Variants in ERBB4 observed in about 807,000 individuals in gnomAD.
ERBB4 encodes the protein receptor tyrosine-protein kinase erbB-4.
Under a neutral mutation model 158.0 loss-of-function variants are expected in ERBB4, and 42 were observed. The observed-to-expected ratio is 0.27, with a 90% CI of 0.21 to 0.34. The LOEUF (loss-of-function observed/expected upper bound fraction) is 0.34, where lower values mean the gene tolerates loss of function less well. Among genes scored for constraint, ERBB4 ranks in the 10% least tolerant of loss-of-function variants. The pLI, the probability that ERBB4 is intolerant of heterozygous loss-of-function variation, is 1.00. For missense variants in ERBB4, 1,333 were observed against 1,624.1 expected, an observed-to-expected ratio of 0.82 and a Z score of 3.08; for synonymous variants, 583 against 558.7, an observed-to-expected ratio of 1.04 and a Z score of -0.61.
intron 1 of ERBB4, among the ~76,000 whole-genome samples, chr2:212,228,389 T>C (rs1295100860): frequency 3.9e-5 from 6 of 152,164 alleles, no homozygotes; most frequent in Non-Finnish European, 7.3e-5. Flanking sequence ...TACACAGTAT[T>C]GAGTTATGAT....
At chr2:211,752,651 T>C (rs1575096140) in intron 4 of ERBB4, among the ~76,000 whole-genome samples, 2 of 152,134 alleles carry the variant, frequency 1.3e-5, no homozygotes, top group East Asian at 1.9e-4. Context: ...TCTTACTCGA[T>C]TAATTTTTTA....
chr2:212,301,437 C>T (rs79817441), intron 1 of ERBB4, among the ~76,000 whole-genome samples: 14 of 151,310 alleles, frequency 9.3e-5, no homozygotes, highest in Non-Finnish European at 1.8e-4. Context: ...GAACAAAATA[C>T]GAGCACTGTA....
At chr2:211,994,312 T>C (rs989649000) in intron 2 of ERBB4, among the ~76,000 whole-genome samples, 1 of 151,578 alleles carries the variant, frequency 6.6e-6, no homozygotes, top group Admixed American at 6.6e-5. Context: ...AAAAAAAAAA[T>C]TGTAGAGACA....
At position 211,404,750 on chromosome 2, in the gene ERBB4, G is replaced by C. The variant is rs551874273; in HGVS notation, c.3135+15691C>G. Among the ~76,000 whole-genome samples the C allele has an allele frequency of 3.9e-5, 6 of 152,220 alleles. No homozygotes were observed. The South Asian group carries it at 1.2e-3, about 32-fold the overall frequency. On this transcript the variant is annotated intron_variant, in intron 25 of 27. Coordinates refer to ENST00000342788, the MANE Select transcript of ERBB4 (RefSeq NM_005235.3). ...CGAGAAAGGAAATTTTGGAGCTCCA[G>C]ATCAGTCTGGGAGGAAACAGCTGAA...
intron 1 of ERBB4, among the ~76,000 whole-genome samples, chr2:212,185,021 C>CTTTTTTTTTTTCTTTTTTTTTTT (rs1553584050): frequency 7.5e-6 from 1 of 132,512 alleles, no homozygotes; most frequent in African/African-American, 2.8e-5. Flanking sequence ...ACTTTTTTTT[C>CTTTTTTTTTTTCTTTTTTTTTTT]TTTTTTTTTT....
intron 19 of ERBB4, among the ~76,000 whole-genome samples, chr2:211,585,184 C>G (rs2068232681): frequency 6.6e-6 from 1 of 151,996 alleles, no homozygotes; most frequent in African/African-American, 2.4e-5. Flanking sequence ...AACCCCGTCT[C>G]TACTAAAAAT....
intron 4 of ERBB4, among the ~76,000 whole-genome samples, chr2:211,781,967 G>A (rs1388300181): frequency 6.6e-6 from 1 of 152,246 alleles, no homozygotes; most frequent in East Asian, 1.9e-4. Flanking sequence ...TTGCTGACCA[G>A]CCATGTCTCA....
At chr2:212,185,936 G>T (rs995114733) in intron 1 of ERBB4, among the ~76,000 whole-genome samples, 1 of 152,046 alleles carries the variant, frequency 6.6e-6, no homozygotes, top group African/African-American at 2.4e-5. Context: ...TTAGGCAGTT[G>T]TCTAATGAAT....
chr2:212,477,294 G>A (rs892389077), intron 1 of ERBB4, among the ~76,000 whole-genome samples: 3 of 152,080 alleles, frequency 2.0e-5, no homozygotes, highest in African/African-American at 7.2e-5. Flanking sequence ...CTACTTTCTG[G>A]CACGTTTTTC....
chr2:211,407,191 GTATCACCTATTATTATTT>G, intron 25 of ERBB4, among the ~76,000 whole-genome samples: 1 of 151,854 alleles, frequency 6.6e-6, no homozygotes, highest in African/African-American at 2.4e-5. Context: ...GTGATAACAG[GTATCACCTATTATTATTT>G]ACTCTTTGAG....
rs183976198 is a variant in ERBB4, at chr2:212,411,444, G to A, written c.82+127005C>T. 1.9e-4 allele frequency among the ~76,000 whole-genome samples: 29 copies of A among 152,170 alleles called. 1 individual carries two copies. The South Asian group carries it at 2.5e-3, about 13-fold the overall frequency. ...GACTACATCAAAATAATCAATACAC[G>A]TAGATAAATATTTATGGTGATATCT... On this transcript the variant is annotated intron_variant, in intron 1 of 27. Transcript: ENST00000342788.
intron 1 of ERBB4, among the ~76,000 whole-genome samples, chr2:212,333,659 A>C (rs1212240575): frequency 6.7e-6 from 1 of 149,412 alleles, no homozygotes; most frequent in Non-Finnish European, 1.5e-5. Context: ...TTGTCATTGC[A>C]CTCCAGCCTG....
At chr2:212,308,298 GT>G (rs1390299728) in intron 1 of ERBB4, among the ~76,000 whole-genome samples, 2 of 150,802 alleles carry the variant, frequency 1.3e-5, no homozygotes, top group African/African-American at 4.8e-5. Flanking sequence ...AAAATAATTA[GT>G]TTTTCTCATT....
intron 1 of ERBB4, among the ~76,000 whole-genome samples, chr2:212,146,690 G>T (rs1264438982): frequency 6.6e-6 from 1 of 152,136 alleles, no homozygotes; most frequent in East Asian, 1.9e-4. Flanking sequence ...CCCTAACTAC[G>T]GCAAGCATTC....
At chr2:211,883,624 A>G (rs1575312490) in intron 3 of ERBB4, among the ~76,000 whole-genome samples, 1 of 151,922 alleles carries the variant, frequency 6.6e-6, no homozygotes, top group East Asian at 1.9e-4. Context: ...TGTCTCCACT[A>G]AAAATACAAA....
At chr2:212,356,725 A>G (rs995533625) in intron 1 of ERBB4, among the ~76,000 whole-genome samples, 1 of 149,604 alleles carries the variant, frequency 6.7e-6, no homozygotes, top group African/African-American at 2.4e-5. Flanking sequence ...CCATGTAAAA[A>G]AAAAACATTC....
intron 5 of ERBB4, among the ~76,000 whole-genome samples, chr2:211,729,573 C>T (rs2074368557): frequency 6.6e-6 from 1 of 151,622 alleles, no homozygotes; most frequent in African/African-American, 2.4e-5. Flanking sequence ...CAATTCAAGG[C>T]TACATGCAAG....
rs142978546 is a variant in ERBB4 at position 211,430,819 on chromosome 2, A to G, written c.2643+126T>C. 5.7e-3 allele frequency: 4,681 copies of G among 817,602 alleles called. 29 individuals are homozygous for G. Among genetic ancestry groups the G allele is most frequent in the Non-Finnish European group, 8.3e-3 (3,979 of 481,992 alleles). 50.6% of individuals were successfully genotyped at this position (817,602 alleles called of 1,614,324 possible). A position where few individuals can be genotyped will look rare whatever the true frequency, so the allele number is the denominator to read the frequency against. Reference sequence around the variant, plus strand: ...ATACCCGGGGCAGGAGAAGAGGCAAATGGTAGAACCAAGGCTTAATAATCT... The same window carrying G: ...ATACCCGGGGCAGGAGAAGAGGCAAGTGGTAGAACCAAGGCTTAATAATCT... On this transcript the variant is annotated intron_variant, in intron 21 of 27. Coordinates refer to ENST00000342788, the MANE Select transcript of ERBB4 (RefSeq NM_005235.3).
At chr2:212,395,225 G>T (rs73060383) in intron 1 of ERBB4, among the ~76,000 whole-genome samples, 2 of 151,822 alleles carry the variant, frequency 1.3e-5, no homozygotes, top group Non-Finnish European at 2.9e-5. Context: ...TAGAATCCTC[G>T]CATTATTCTT....
Sources: allele counts gnomAD v4.1 joint callset (sites outside exome capture counted in the v4.1 genomes callset), GRCh38; gene constraint gnomAD v4.1.1; transcripts MANE v1.5; gene names NCBI Gene and HGNC (gene_info 2026-07-23, HGNC 2026-07-21).